Variants in RBM27 observed in about 807,000 individuals in gnomAD.
The protein encoded by RBM27 is RNA binding motif protein 27.
A neutral mutation model predicts 135.3 loss-of-function variants in RBM27; 22 were observed. That is an observed-to-expected ratio of 0.16 (90% CI 0.12 to 0.23). The LOEUF (loss-of-function observed/expected upper bound fraction) is 0.23, where lower values mean the gene tolerates loss of function less well. RBM27 is among the 10% of genes least tolerant of loss of function. The pLI is 1.00. For synonymous variants in RBM27, 481 were observed against 442.4 expected, an observed-to-expected ratio of 1.09 and a Z score of -1.10; for missense variants, 1,009 against 1,281.0, an observed-to-expected ratio of 0.79 and a Z score of 3.24.
chr5:146,286,328 A>T lies in RBM27; in HGVS notation c.*298A>T, dbSNP rs143664115. ...TTGTTGCTGTTGGTGTTGGATTATGATGTAAATGACAGGGTGTTCAGAAAT... is the reference window on the plus strand; with the variant it reads ...TTGTTGCTGTTGGTGTTGGATTATGTTGTAAATGACAGGGTGTTCAGAAAT... On this transcript the variant is annotated 3_prime_UTR_variant, in exon 21 of 21. Coordinates refer to ENST00000265271, the MANE Select transcript of RBM27 (RefSeq NM_018989.2). 522 of 205,814 alleles carry T rather than the reference A, an allele frequency of 2.5e-3. 15 individuals carry two copies. In the Admixed American group the frequency reaches 0.029, roughly 11 times the overall value. 12.7% of individuals were successfully genotyped at this position (205,814 alleles called of 1,614,324 possible).
chr5:146,230,061 T>C (rs1756864899), intron 5 of RBM27, 151 bp downstream of exon 5: 4 of 906,288 alleles, frequency 4.4e-6, no homozygotes, highest in Non-Finnish European at 4.9e-6. Flanking sequence ...TCCATTTTGT[T>C]AGAAAACAGG....
intron 1 of RBM27, among the ~76,000 whole-genome samples, chr5:146,204,292 T>C (rs1755531560): frequency 6.6e-6 from 1 of 152,092 alleles, no homozygotes; most frequent in African/African-American, 2.4e-5. Flanking sequence ...TTTCGAAATA[T>C]GAGGGCAGAA....
intron 1 of RBM27, among the ~76,000 whole-genome samples, chr5:146,211,464 CTTTTTTTTTTTTTTTTTTTTTT>C (rs57117642): frequency 4.0e-5 from 2 of 49,904 alleles, no homozygotes; most frequent in Non-Finnish European, 7.4e-5. Flanking sequence ...ATGGTCTTAT[CTTTTTTTTTTTTTTTTTTTTTT>C]TTTTTTTTAC....
chr5:146,219,634 C>G (rs1449840372), intron 2 of RBM27, among the ~76,000 whole-genome samples: 2 of 152,106 alleles, frequency 1.3e-5, no homozygotes, highest in Non-Finnish European at 2.9e-5. Context: ...CTCACTTGTT[C>G]CACTCTAGCC....
Position 146,273,673 on chromosome 5 carries a change from C to G in RBM27, c.2988+1999C>G, listed in dbSNP as rs1402951842. 2.6e-5 allele frequency among the ~76,000 whole-genome samples: 4 copies of G among 151,796 alleles called. No individual in the cohort carries two copies. In the East Asian group the frequency reaches 7.7e-4, roughly 29 times the overall value. On this transcript the variant is annotated intron_variant, in intron 19 of 20. Coordinates refer to ENST00000265271, the MANE Select transcript of RBM27 (RefSeq NM_018989.2). ...GAGTTAGCAAACATAAAAGGAAACT[C>G]TTCTTCAAGGTCTTTTGTATCTCAC...
chr5:146,278,713 C>A (rs888417851), intron 19 of RBM27, among the ~76,000 whole-genome samples: 4 of 151,768 alleles, frequency 2.6e-5, no homozygotes, highest in African/African-American at 9.7e-5. Flanking sequence ...GATGGACATC[C>A]AATTTTTTCC....
intron 1 of RBM27, among the ~76,000 whole-genome samples, chr5:146,213,163 C>A (rs1027104824): frequency 6.6e-6 from 1 of 151,854 alleles, no homozygotes; most frequent in Non-Finnish European, 1.5e-5. Context: ...AGTGCAATGG[C>A]GTGATCTTGG....
chr5:146,269,398 C>T (rs773670050), intron 16 of RBM27, 22 bp from the exon 17 acceptor site: 110 of 1,521,294 alleles, frequency 7.2e-5, no homozygotes, highest in Non-Finnish European at 9.5e-5. Flanking sequence ...CATGGTTTTA[C>T]CTTTTTCTAT....
intron 3 of RBM27, 43 bp downstream of exon 3, chr5:146,223,570 C>G: frequency 6.4e-7 from 1 of 1,574,654 alleles, no homozygotes; most frequent in Non-Finnish European, 8.6e-7. Context: ...CTTCTTAGAT[C>G]CTGTCACCAG....
intron 7 of RBM27, among the ~76,000 whole-genome samples, chr5:146,235,833 G>A (rs967639747): frequency 6.6e-6 from 1 of 151,964 alleles, no homozygotes; most frequent in Non-Finnish European, 1.5e-5. Context: ...GACTACAGGC[G>A]TGTGCCACCA....
intron 19 of RBM27, among the ~76,000 whole-genome samples, chr5:146,280,975 A>G (rs1023206189): frequency 2.6e-5 from 4 of 152,176 alleles, no homozygotes; most frequent in Non-Finnish European, 5.9e-5. Context: ...ATCTTGCCTC[A>G]GCCTACCTAG....
chr5:146,267,232 T>TA (rs1758654433), intron 14 of RBM27, among the ~76,000 whole-genome samples: 2 of 152,248 alleles, frequency 1.3e-5, no homozygotes, highest in East Asian at 3.8e-4. Context: ...CACTAAATCT[T>TA]ACCTGGAATG....
At position 146,229,704 on chromosome 5, in the gene RBM27, C is replaced by G. The variant is rs370016986; in HGVS notation, c.396-13C>G. Reference sequence around the variant, plus strand: ...TATAGCCTGCATATGGCTTTTATATCTGTATATTATAGGACACGTGAGAAA... The same window carrying G: ...TATAGCCTGCATATGGCTTTTATATGTGTATATTATAGGACACGTGAGAAA... On this transcript the variant is annotated splice_polypyrimidine_tract_variant and intron_variant, in intron 4 of 20. Coordinates refer to ENST00000265271, the MANE Select transcript of RBM27 (RefSeq NM_018989.2). The G allele has an allele frequency of 2.6e-5, 41 of 1,575,600 alleles. No homozygotes were observed. Among genetic ancestry groups the G allele is most frequent in the Non-Finnish European group, 3.1e-5 (36 of 1,149,312 alleles).
chr5:146,267,888 A>C (rs1758685592), intron 15 of RBM27, 120 bp downstream of exon 15: 2 of 1,016,584 alleles, frequency 2.0e-6, no homozygotes, highest in Non-Finnish European at 2.9e-6. Flanking sequence ...ATGCTTATTT[A>C]GCTTCTTCTC....
At chr5:146,207,658 C>CTTTTTTTTTTTTT (rs1224104910) in intron 1 of RBM27, among the ~76,000 whole-genome samples, 1 of 128,984 alleles carries the variant, frequency 7.8e-6, no homozygotes, top group African/African-American at 2.8e-5. Flanking sequence ...GGAGATATTT[C>CTTTTTTTTTTTTT]TTTTTTTTTT....
Position 146,228,981 on chromosome 5 carries a change from C to G in RBM27, c.339C>G (p.Gly113=), listed in dbSNP as rs554171698. 6.2e-7 allele frequency: 1 copy of G among 1,613,234 alleles called. No individual in the cohort carries two copies. Among genetic ancestry groups the G allele is most frequent in the African/African-American group, 1.3e-5 (1 of 74,948 alleles). ...AGCCAGCAGAGGAAGAACGAGATGG[C>G]AGAAAAAAGAAATATCCTAGTCCCC... ...FQEPAEEERD[G]RKKKYPSPQK... Residue 113 remains glycine, a synonymous_variant, in exon 4 of 21, where the codon GGC becomes GGG. Transcript: ENST00000265271.
At chr5:146,240,472 G>A (rs191688554) in intron 8 of RBM27, among the ~76,000 whole-genome samples, 3 of 151,900 alleles carry the variant, frequency 2.0e-5, no homozygotes, top group Non-Finnish European at 2.9e-5. Flanking sequence ...GATTACAGTC[G>A]CCCACCACCA....
At chr5:146,203,971 A>C in intron 1 of RBM27, 147 bp downstream of exon 1, 5 of 593,846 alleles carry the variant, frequency 8.4e-6, no homozygotes, top group Middle Eastern at 5.8e-4. Flanking sequence ...TACTATCACC[A>C]TTGTGGTGGG....
In RBM27 at chr5:146,269,583, A is replaced by T; in HGVS notation, c.2690A>T (p.Glu897Val). Residue 897 changes from glutamate to valine, a missense_variant and splice_region_variant, in exon 17 of 21, where the codon GAG (glutamate) becomes GTG (valine). By Grantham distance (121) the Glu-to-Val change is moderately radical (BLOSUM62 -2). Transcript: ENST00000265271. ...CCATCTAAAGTGAAGACAAAAACGGAGGTATCTATTTGCATTTTTTATTTA... is the reference window on the plus strand; with the variant it reads ...CCATCTAAAGTGAAGACAAAAACGGTGGTATCTATTTGCATTTTTTATTTA... Reference protein sequence around the residue: ...STPSKVKTKTEAQKELLDTEL... With the variant: ...STPSKVKTKTVAQKELLDTEL... 6.5e-7 allele frequency: 1 copy of T among 1,529,102 alleles called. No homozygotes were observed. The highest frequency in any genetic ancestry group is 8.7e-7 in the Non-Finnish European group (1 of 1,147,358). The allele number at this position is 1,529,102 out of a possible 1,614,324, so 94.7% of individuals were successfully genotyped here. A position where few individuals can be genotyped will look rare whatever the true frequency, so the allele number is the denominator to read the frequency against.
Sources: gnomAD v4.1 joint callset for allele counts (sites outside exome capture counted in the v4.1 genomes callset) on GRCh38, gnomAD v4.1.1 for gene constraint, MANE v1.5 for transcripts, NCBI Gene and HGNC (gene_info 2026-07-23, HGNC 2026-07-21) for gene names.